The following NFAT5 variants were observed in gnomAD, a reference collection of about 807,000 sequenced individuals.
NFAT5 encodes nuclear factor of activated T-cells 5.
Under a neutral mutation model 166.5 loss-of-function variants are expected in NFAT5, and 31 were observed. That is an observed-to-expected ratio of 0.19 (90% CI 0.14 to 0.25). The LOEUF (loss-of-function observed/expected upper bound fraction) is 0.25. Ranked by LOEUF, NFAT5 falls within the 10% of genes least tolerant of loss-of-function variation. The probability of loss-of-function intolerance (pLI) is 1.00; values close to 1 mark genes in which losing one functional copy is unlikely to be tolerated. For synonymous variants in NFAT5, 612 were observed against 639.7 expected (o/e 0.96, Z 0.65); for missense variants, 1,449 against 1,821.8 (o/e 0.80, Z 3.72).
At chr16:69,578,959 C>T (rs999356273) in intron 2 of NFAT5, among the ~76,000 whole-genome samples, 13 of 151,628 alleles carry the variant, frequency 8.6e-5, no homozygotes, top group Non-Finnish European at 1.3e-4. Context: ...ACTGCAAGCT[C>T]CTCCTCCCAG....
intron 9 of NFAT5, 68 bp downstream of exon 9, chr16:69,670,356 T>C: frequency 1.0e-6 from 1 of 967,084 alleles, no homozygotes. Flanking sequence ...GTTTTGAAAT[T>C]TTCCTGAATC....
chr16:69,657,137 T>TC (rs1200628089), intron 6 of NFAT5, among the ~76,000 whole-genome samples: 2 of 87,642 alleles, frequency 2.3e-5, no homozygotes, highest in African/African-American at 8.7e-5. Flanking sequence ...TTTTGTAAAT[T>TC]TTTTTTTTTT....
chr16:69,664,243 C>G (rs888014306), intron 7 of NFAT5, among the ~76,000 whole-genome samples: 1 of 152,070 alleles, frequency 6.6e-6, no homozygotes, highest in Non-Finnish European at 1.5e-5. Context: ...TATTTGCTTA[C>G]TTATTTTTCA....
chr16:69,687,932 C>T (rs564505756), intron 11 of NFAT5, among the ~76,000 whole-genome samples: 1 of 152,018 alleles, frequency 6.6e-6, no homozygotes, highest in Non-Finnish European at 1.5e-5. Context: ...CGGTGGCTCA[C>T]GCCTGTAATC....
intron 2 of NFAT5, among the ~76,000 whole-genome samples, chr16:69,618,536 T>A (rs1462562415): frequency 6.6e-6 from 1 of 152,234 alleles, no homozygotes; most frequent in Non-Finnish European, 1.5e-5. Context: ...ATGCTGTCTC[T>A]CTTCAATGCA....
At chr16:69,649,097 A>G (rs1301909647) in intron 4 of NFAT5, 15 of 861,812 alleles carry the variant, frequency 1.7e-5, no homozygotes, top group African/African-American at 1.8e-5. Flanking sequence ...AATAAAATCA[A>G]GAATTTCAGA....
chr16:69,656,267 C>T (rs1343586494), intron 6 of NFAT5, among the ~76,000 whole-genome samples: 6 of 129,322 alleles, frequency 4.6e-5, no homozygotes, highest in Admixed American at 9.3e-5. Flanking sequence ...GGCAACAAAG[C>T]GAGACTCTGT....
intron 2 of NFAT5, among the ~76,000 whole-genome samples, chr16:69,572,618 CTGAA>C (rs1025427905): frequency 1.8e-4 from 28 of 151,460 alleles, no homozygotes; most frequent in African/African-American, 6.3e-4. Flanking sequence ...AGAAATGAAA[CTGAA>C]TGAATCATTC....
At chr16:69,570,887 C>T (rs1217938520) in intron 2 of NFAT5, among the ~76,000 whole-genome samples, 1 of 151,874 alleles carries the variant, frequency 6.6e-6, no homozygotes, top group Non-Finnish European at 1.5e-5. Context: ...ATAATAGTGC[C>T]TCATCCTAGG....
Position 69,682,602 on chromosome 16 carries a change from G to C in NFAT5, c.1691-2285G>C, listed in dbSNP as rs2037117549. 2.0e-5 allele frequency among the ~76,000 whole-genome samples: 3 copies of C among 152,130 alleles called. No individual in the cohort carries two copies. In the South Asian group the frequency reaches 6.2e-4, roughly 32 times the overall value. ...CCAATGTACTCCAGCCTGGACAACA[G>C]AGCAAGACCCTGTCTCAAAAAAATA... On this transcript the variant is annotated intron_variant, in intron 10 of 14. Coordinates refer to ENST00000349945, the MANE Select transcript of NFAT5 (RefSeq NM_138713.4).
Position 69,697,538 on chromosome 16 carries a change from C to G in NFAT5, c.*1187C>G, listed in dbSNP as rs1253148231. On this transcript the variant is annotated 3_prime_UTR_variant, in exon 15 of 15. Transcript: ENST00000349945. ...CAGTGAGTATAAATTCACTTGTCAC[C>G]TCAGTGCTTTACAGTTTGAAGTGGT... 6.6e-6 allele frequency: 1 copy of G among 152,556 alleles called. No homozygotes were observed. The highest frequency in any genetic ancestry group is 1.5e-5 in the Non-Finnish European group (1 of 68,040). 9.5% of individuals were successfully genotyped at this position (152,556 alleles called of 1,614,324 possible). A position where few individuals can be genotyped will look rare whatever the true frequency, so the allele number is the denominator to read the frequency against.
intron 2 of NFAT5, among the ~76,000 whole-genome samples, chr16:69,620,401 C>T (rs374147940): frequency 6.6e-6 from 1 of 152,094 alleles, no homozygotes; most frequent in Non-Finnish European, 1.5e-5. Flanking sequence ...TACACATTAT[C>T]GCACAAATTA....
At chr16:69,588,547 C>G (rs140545543) in intron 2 of NFAT5, among the ~76,000 whole-genome samples, 1 of 152,124 alleles carries the variant, frequency 6.6e-6, no homozygotes, top group Non-Finnish European at 1.5e-5. Flanking sequence ...AGTGCATTTC[C>G]TCTCAAATTT....
At chr16:69,691,560 A>G (rs2037546042) in intron 12 of NFAT5, among the ~76,000 whole-genome samples, 189 bp from the exon 13 acceptor site, 1 of 152,200 alleles carries the variant, frequency 6.6e-6, no homozygotes, top group Non-Finnish European at 1.5e-5. Flanking sequence ...TTTAAAAAAT[A>G]TATCTCAAGG....
chr16:69,627,323 CATATATATATAT>C (rs10524659), intron 3 of NFAT5, among the ~76,000 whole-genome samples: 43 of 128,850 alleles, frequency 3.3e-4, no homozygotes, highest in East Asian at 6.5e-4. Flanking sequence ...AAAAAGGAAA[CATATATATATAT>C]ATATATATAT....
intron 2 of NFAT5, among the ~76,000 whole-genome samples, chr16:69,589,573 G>A (rs569321290): frequency 6.6e-5 from 10 of 152,254 alleles, no homozygotes; most frequent in African/African-American, 2.4e-4. Flanking sequence ...GCTGGGAATA[G>A]ACAGAGTAGA....
intron 2 of NFAT5, among the ~76,000 whole-genome samples, chr16:69,608,304 T>C (rs2033522871): frequency 6.6e-6 from 1 of 152,104 alleles, no homozygotes; most frequent in African/African-American, 2.4e-5. Context: ...ATACATACAA[T>C]GATCACTACT....
intron 2 of NFAT5, among the ~76,000 whole-genome samples, chr16:69,580,990 A>G (rs899351052): frequency 3.3e-5 from 5 of 152,120 alleles, no homozygotes; most frequent in African/African-American, 9.7e-5. Flanking sequence ...TCCTCATTAT[A>G]TTTCTTAAAA....
intron 3 of NFAT5, among the ~76,000 whole-genome samples, chr16:69,632,952 T>C (rs1342741376): frequency 6.6e-6 from 1 of 152,184 alleles, no homozygotes; most frequent in African/African-American, 2.4e-5. Flanking sequence ...TTCTATCTTA[T>C]TATACTGAAA....
Sources: gnomAD v4.1 joint callset for allele counts (sites outside exome capture counted in the v4.1 genomes callset) on GRCh38, gnomAD v4.1.1 for gene constraint, MANE v1.5 for transcripts, NCBI Gene and HGNC (gene_info 2026-07-23, HGNC 2026-07-21) for gene names.